Variants in HOMER1 observed in about 807,000 individuals in gnomAD.
The protein encoded by HOMER1 is homer protein homolog 1.
In HOMER1, 3 loss-of-function variants were observed where a neutral mutation model predicts 48.9. The observed-to-expected ratio is 0.06, with a 90% CI of 0.03 to 0.16. The LOEUF is 0.16. HOMER1 is among the 10% of genes least tolerant of loss of function. HOMER1 has a pLI of 1.00. For synonymous variants in HOMER1, 134 were observed against 146.4 expected, an observed-to-expected ratio of 0.92 and a Z score of 0.61; for missense variants, 247 against 411.4, an observed-to-expected ratio of 0.60 and a Z score of 3.46.
At chr5:79,384,071 T>G (rs746628250) in intron 8 of HOMER1, among the ~76,000 whole-genome samples, 2 of 137,374 alleles carry the variant, frequency 1.5e-5, no homozygotes, top group Non-Finnish European at 3.1e-5. Flanking sequence ...AGATTTCAAA[T>G]AGCAATCTAA....
At chr5:79,502,659 T>C (rs1310751848) in intron 1 of HOMER1, among the ~76,000 whole-genome samples, 1 of 152,236 alleles carries the variant, frequency 6.6e-6, no homozygotes, top group East Asian at 1.9e-4. Flanking sequence ...TTCTTTGGGA[T>C]AGCTTCTACC....
chr5:79,396,854 T>G lies in HOMER1; in HGVS notation c.845A>C (p.Glu282Ala), dbSNP rs1423943519. 1 of 1,604,902 alleles carries G rather than the reference T, an allele frequency of 6.2e-7. No homozygotes were observed. The highest frequency in any genetic ancestry group is 1.3e-5 in the African/African-American group (1 of 74,830). ...TTTCTGAGTCAAAGAATCCCTCTGT[T>G]CTTGTAGTTCTCTGGCATTATCAAT... Reference protein sequence around the residue: ...QEIDNARELQEQRDSLTQKLQ... With the variant: ...QEIDNARELQAQRDSLTQKLQ... Residue 282 changes from glutamate (E) to alanine (A), a missense_variant, in exon 8 of 9, where the codon GAA becomes GCA. Physicochemically the swap from Glu to Ala is moderately radical, Grantham distance 107 (BLOSUM62 -1). Coordinates refer to ENST00000334082, the MANE Select transcript of HOMER1 (RefSeq NM_004272.5).
At chr5:79,468,891 C>T (rs145141968) in intron 1 of HOMER1, among the ~76,000 whole-genome samples, 1 of 152,302 alleles carries the variant, frequency 6.6e-6, no homozygotes, top group East Asian at 1.9e-4. Context: ...TTTCAATTTG[C>T]ATATGCCTGA....
At chr5:79,414,251 T>TTG (rs1366513494) in intron 5 of HOMER1, among the ~76,000 whole-genome samples, 1 of 121,972 alleles carries the variant, frequency 8.2e-6, no homozygotes, top group African/African-American at 4.3e-5. Flanking sequence ...TGGCTAATTT[T>TTG]TGCTTTTGTT....
intron 1 of HOMER1, among the ~76,000 whole-genome samples, chr5:79,474,206 ATTTTTTTTTT>A (rs1009644672): frequency 1.0e-5 from 1 of 98,724 alleles, no homozygotes; most frequent in East Asian, 3.6e-4. Flanking sequence ...CCCAACCAAA[ATTTTTTTTTT>A]TTTTTTTTTT....
At chr5:79,487,750 C>G (rs1752150624) in intron 1 of HOMER1, among the ~76,000 whole-genome samples, 1 of 152,140 alleles carries the variant, frequency 6.6e-6, no homozygotes, top group South Asian at 2.1e-4. Context: ...AACTGGGGAA[C>G]TGTGATCACT....
chr5:79,377,762 T>G (rs1026165938), intron 8 of HOMER1, among the ~76,000 whole-genome samples: 1 of 152,172 alleles, frequency 6.6e-6, no homozygotes, highest in Non-Finnish European at 1.5e-5. Context: ...TGGCAAAAAT[T>G]CGTATGCATG....
At chr5:79,437,873 T>C (rs2112273829) in intron 5 of HOMER1, among the ~76,000 whole-genome samples, 1 of 152,256 alleles carries the variant, frequency 6.6e-6, no homozygotes. Flanking sequence ...CCCAGGCTGA[T>C]CTTGAACTCC....
chr5:79,374,030 T>C lies in HOMER1; in HGVS notation c.*1979A>G, dbSNP rs1748697617. ...CTTGCCATTTCAACAGCTTACACTG[T>C]TTTTTAAATTTTTTTAACTCTTCAT... On this transcript the variant is annotated 3_prime_UTR_variant, in exon 9 of 9. Transcript: ENST00000334082. The C allele has an allele frequency of 6.6e-6, 1 of 152,102 alleles. No individual in the cohort carries two copies. The allele number at this position is 152,102 out of a possible 1,614,324, so 9.4% of individuals were successfully genotyped here.
intron 5 of HOMER1, 45 bp downstream of exon 5, chr5:79,438,965 T>C: frequency 6.4e-7 from 1 of 1,551,448 alleles, no homozygotes; most frequent in Non-Finnish European, 8.8e-7. Flanking sequence ...AACATTTCCA[T>C]ATTTACACAT....
intron 6 of HOMER1, 110 bp downstream of exon 6, chr5:79,401,789 T>C: frequency 2.0e-6 from 2 of 1,021,328 alleles, no homozygotes; most frequent in East Asian, 2.4e-5. Flanking sequence ...ATCTATGTTC[T>C]GACATCCTAG....
intron 8 of HOMER1, among the ~76,000 whole-genome samples, chr5:79,379,170 ATT>A (rs1748875274): frequency 9.4e-6 from 1 of 106,942 alleles, no homozygotes; most frequent in South Asian, 2.8e-4. Context: ...ATATTTATAT[ATT>A]ATATATATTT....
At chr5:79,470,751 A>G (rs1343429188) in intron 1 of HOMER1, among the ~76,000 whole-genome samples, 1 of 152,212 alleles carries the variant, frequency 6.6e-6, no homozygotes, top group South Asian at 2.1e-4. Context: ...GTGGGAGTAT[A>G]AATTAGTAAA....
chr5:79,493,408 G>GATGGCCCTGCCTTTTATCATTCACT (rs1752340782), intron 1 of HOMER1, among the ~76,000 whole-genome samples: 1 of 152,178 alleles, frequency 6.6e-6, no homozygotes, highest in South Asian at 2.1e-4. Context: ...ACACTTAGCA[G>GATGGCCCTGCCTTTTATCATTCACT]ATGGCCCTGC....
intron 8 of HOMER1, among the ~76,000 whole-genome samples, chr5:79,378,221 T>TAAAAAAAAA (rs756900477): frequency 1.0e-5 from 1 of 97,484 alleles, no homozygotes; most frequent in East Asian, 3.0e-4. Flanking sequence ...AGACTCTGTC[T>TAAAAAAAAA]CAAAAAAAAA....
chr5:79,375,950 AGTC>A lies in HOMER1; in HGVS notation c.*56_*58del. The stretch of plus-strand genomic sequence containing the variant: ...TGCAATCTTGATGCAGAGCCTAAAC[AGTC>A]CTATGAAGAGAGACAGTGTATCTTT... On this transcript the variant is annotated 3_prime_UTR_variant, in exon 9 of 9. Transcript: ENST00000334082. The A allele has an allele frequency of 7.6e-6, 8 of 1,049,928 alleles. No individual in the cohort carries two copies. Among genetic ancestry groups the A allele is most frequent in the Non-Finnish European group, 1.1e-5 (8 of 744,870 alleles). The allele number at this position is 1,049,928 out of a possible 1,614,324, so 65.0% of individuals were successfully genotyped here.
At chr5:79,503,453 C>T (rs1243524736) in intron 1 of HOMER1, among the ~76,000 whole-genome samples, 2 of 149,784 alleles carry the variant, frequency 1.3e-5, no homozygotes, top group Admixed American at 1.3e-4. Context: ...TCACTTGAAC[C>T]CAGGAGGCGA....
At chr5:79,467,287 A>T (rs776412166) in intron 1 of HOMER1, among the ~76,000 whole-genome samples, 12 of 147,372 alleles carry the variant, frequency 8.1e-5, no homozygotes, top group Admixed American at 1.4e-4. Flanking sequence ...GCTACTCAGG[A>T]GGCTGAGGCA....
intron 6 of HOMER1, among the ~76,000 whole-genome samples, chr5:79,400,720 A>G (rs1749511972): frequency 9.9e-6 from 1 of 101,138 alleles, no homozygotes; most frequent in African/African-American, 7.3e-5. Flanking sequence ...TATGCCTTGA[A>G]TTAAAAAAAA....
Sources: allele counts gnomAD v4.1 joint callset (sites outside exome capture counted in the v4.1 genomes callset), GRCh38; gene constraint gnomAD v4.1.1; transcripts MANE v1.5; gene names NCBI Gene and HGNC (gene_info 2026-07-23, HGNC 2026-07-21).